The following MEGF10 variants were observed in gnomAD, a reference collection of about 807,000 sequenced individuals.
The protein encoded by MEGF10 is multiple EGF like domains 10.
A neutral mutation model predicts 147.5 loss-of-function variants in MEGF10; 86 were observed. That is an observed-to-expected ratio of 0.58 (90% CI 0.49 to 0.70). MEGF10 has a LOEUF of 0.70. Among genes scored for constraint, MEGF10 ranks in the 30% least tolerant of loss-of-function variants. The pLI is 0.00. For synonymous variants in MEGF10, 478 were observed against 525.5 expected, an observed-to-expected ratio of 0.91 and a Z score of 1.24; for missense variants, 1,329 against 1,487.3, an observed-to-expected ratio of 0.89 and a Z score of 1.75.
intron 1 of MEGF10, among the ~76,000 whole-genome samples, chr5:127,305,656 G>A (rs1580687446): frequency 6.6e-6 from 1 of 152,132 alleles, no homozygotes; most frequent in East Asian, 1.9e-4. Flanking sequence ...CTTGTGATGT[G>A]GAGCTCTGCC....
chr5:127,294,432 G>C (rs1759402916), intron 1 of MEGF10, among the ~76,000 whole-genome samples: 1 of 152,164 alleles, frequency 6.6e-6, no homozygotes, highest in Admixed American at 6.5e-5. Context: ...GGACAGTATT[G>C]TATACATATG....
intron 19 of MEGF10, 58 bp downstream of exon 19, chr5:127,443,184 G>C: frequency 6.7e-7 from 1 of 1,491,064 alleles, no homozygotes; most frequent in Non-Finnish European, 9.0e-7. Flanking sequence ...CCATGTACCA[G>C]GCAATGTGAA....
chr5:127,281,470 C>T, the MEGF10 span, among the ~76,000 whole-genome samples: 24 of 152,174 alleles, frequency 1.6e-4, no homozygotes, highest in Admixed American at 3.3e-4. Flanking sequence ...GTTTATATCT[C>T]GAGTGTCAGA....
chr5:127,427,323 G>T (rs1330300911), intron 13 of MEGF10, among the ~76,000 whole-genome samples: 2 of 152,118 alleles, frequency 1.3e-5, no homozygotes, highest in Non-Finnish European at 2.9e-5. Flanking sequence ...AGAAGAGGTG[G>T]TTCAAGGATG....
intron 7 of MEGF10, 32 bp from the exon 8 acceptor site, chr5:127,402,514 C>G (rs1367555081): frequency 2.5e-6 from 4 of 1,597,990 alleles, no homozygotes; most frequent in Non-Finnish European, 3.4e-6. Context: ...GGCTGGAGGC[C>G]CATCTAATTT....
intron 21 of MEGF10, among the ~76,000 whole-genome samples, chr5:127,448,125 AC>A (rs1766018258): frequency 6.6e-6 from 1 of 152,162 alleles, no homozygotes; most frequent in Non-Finnish European, 1.5e-5. Flanking sequence ...GTCCTCCAGT[AC>A]CCGTTCCTGG....
At chr5:127,291,559 C>T (rs1309311698) in intron 1 of MEGF10, among the ~76,000 whole-genome samples, 1 of 152,156 alleles carries the variant, frequency 6.6e-6, no homozygotes, top group Non-Finnish European at 1.5e-5. Flanking sequence ...GCGGGATGCT[C>T]CCCTTTCCTG....
intron 4 of MEGF10, 131 bp downstream of exon 4, chr5:127,340,761 A>G (rs1761649737): frequency 2.9e-6 from 2 of 678,232 alleles, no homozygotes; most frequent in Admixed American, 2.6e-5. Context: ...TCTGGTTGCT[A>G]CTTTTCCTTG....
rs554100642 is a variant in MEGF10 at position 127,419,295 on chromosome 5, GAC to G, written c.1426+59_1426+60del. On this transcript the variant is annotated intron_variant, in intron 11 of 24. Coordinates refer to ENST00000503335, the MANE Select transcript of MEGF10 (RefSeq NM_001256545.2). ...GATCCTGGTCACGTTATCTCCTAAA[GAC>G]ACAAAAAAGAAAAACCTTAACCAGG... is the stretch of plus-strand genomic sequence containing the variant. 1,404 of 1,567,366 alleles carry G rather than the reference GAC, an allele frequency of 9.0e-4. 7 individuals carry two copies. The highest frequency in any genetic ancestry group is 5.6e-3 in the South Asian group (466 of 82,904).
intron 5 of MEGF10, among the ~76,000 whole-genome samples, chr5:127,370,243 C>T (rs1012077269): frequency 9.8e-5 from 15 of 152,308 alleles, no homozygotes; most frequent in Admixed American, 6.5e-4. Context: ...CATACAACAG[C>T]TCATACTTCT....
chr5:127,249,205 G>T, the MEGF10 span, among the ~76,000 whole-genome samples: 1 of 151,970 alleles, frequency 6.6e-6, no homozygotes, highest in African/African-American at 2.4e-5. Context: ...ATTACAAATT[G>T]GGTGGGGTAA....
intron 4 of MEGF10, among the ~76,000 whole-genome samples, chr5:127,359,809 C>T (rs1425483232): frequency 6.6e-6 from 1 of 152,068 alleles, no homozygotes; most frequent in African/African-American, 2.4e-5. Flanking sequence ...CAGTTTTTGA[C>T]AATTACACAT....
At chr5:127,234,507 G>A in the MEGF10 span, among the ~76,000 whole-genome samples, 1,006 of 152,298 alleles carry the variant, frequency 6.6e-3, 12 homozygotes, top group African/African-American at 0.023. Flanking sequence ...CCTCCTGGGA[G>A]AGCAAACCAA....
At chr5:127,373,752 A>T (rs1376709774) in intron 5 of MEGF10, among the ~76,000 whole-genome samples, 2 of 152,188 alleles carry the variant, frequency 1.3e-5, no homozygotes, top group Non-Finnish European at 2.9e-5. Flanking sequence ...AGTAAGAAGT[A>T]GATAGATCTC....
rs937522529 is a variant in MEGF10 at position 127,402,619 on chromosome 5, A to T, written c.854A>T (p.Asn285Ile). The T allele has an allele frequency of 3.7e-6, 6 of 1,614,016 alleles. No individual in the cohort carries two copies. In the African/African-American group the frequency reaches 8.0e-5, roughly 22 times the overall value. ...KNCSQECQCHNGGTCDAATGQ... is the reference protein window; with the variant it reads ...KNCSQECQCHIGGTCDAATGQ... ...TGTTCCCAAGAATGCCAGTGCCATA[A>T]TGGAGGGACGTGTGATGCTGCCACA... The change falls in exon 8 of 25, where the codon AAT (asparagine) becomes ATT (isoleucine). Residue 285 changes from asparagine to isoleucine, a missense_variant. Asn to Ile is a moderately radical substitution (Grantham distance 149, BLOSUM62 -3). This residue lies in a region of MEGF10 where 980 missense variants were observed against 1,085.9 expected (regional missense o/e 0.90). Coordinates refer to ENST00000503335, the MANE Select transcript of MEGF10 (RefSeq NM_001256545.2).
intron 5 of MEGF10, among the ~76,000 whole-genome samples, chr5:127,387,825 A>C (rs113890446): frequency 3.3e-5 from 5 of 152,320 alleles, no homozygotes; most frequent in African/African-American, 1.2e-4. Flanking sequence ...CACATGTTAG[A>C]AACTCAATGT....
intron 5 of MEGF10, among the ~76,000 whole-genome samples, chr5:127,388,033 C>T (rs551682953): frequency 6.6e-6 from 1 of 152,296 alleles, no homozygotes; most frequent in South Asian, 2.1e-4. Flanking sequence ...TTTCTGAATG[C>T]CAGCCATGTG....
chr5:127,379,946 C>G (rs1332516494), intron 5 of MEGF10, among the ~76,000 whole-genome samples: 1 of 152,146 alleles, frequency 6.6e-6, no homozygotes, highest in Non-Finnish European at 1.5e-5. Context: ...CTAAGTGCCA[C>G]CACCATACAG....
intron 13 of MEGF10, among the ~76,000 whole-genome samples, chr5:127,428,666 G>A (rs1765288174): frequency 1.3e-5 from 2 of 152,152 alleles, no homozygotes; most frequent in South Asian, 4.1e-4. Context: ...ATGTTTAATA[G>A]CTTGTTGCCC....
Sources: allele counts gnomAD v4.1 joint callset (sites outside exome capture counted in the v4.1 genomes callset), GRCh38; gene constraint gnomAD v4.1.1; regional missense constraint gnomAD v4.1.1; transcripts MANE v1.5; gene names NCBI Gene and HGNC (gene_info 2026-07-23, HGNC 2026-07-21).